Variants in USP22 observed in about 807,000 individuals in gnomAD.
The protein encoded by USP22 is ubiquitin specific peptidase 22, also known as ubiquitin carboxyl-terminal hydrolase 22.
USP22 carries 22 observed loss-of-function variants against 68.1 expected under a neutral mutation model. The ratio of observed to expected loss-of-function variants is 0.32; its 90% CI spans 0.23 to 0.46. The LOEUF (loss-of-function observed/expected upper bound fraction) is 0.46. Among genes scored for constraint, USP22 ranks in the 20% least tolerant of loss-of-function variants. The pLI, the probability that USP22 is intolerant of heterozygous loss-of-function variation, is 1.00. For synonymous variants in USP22, 279 were observed against 274.2 expected (o/e 1.02, Z -0.17); for missense variants, 433 against 695.8 (o/e 0.62, Z 4.25).
Position 21,006,875 on chromosome 17 carries a change from CG to C in USP22, c.1322+20del. 1 of 1,571,420 alleles carries C rather than the reference CG, an allele frequency of 6.4e-7. No homozygotes were observed. The highest frequency in any genetic ancestry group is 2.3e-5 in the East Asian group (1 of 43,296). On this transcript the variant is annotated intron_variant, in intron 10 of 12. Coordinates refer to ENST00000261497, the MANE Select transcript of USP22 (RefSeq NM_015276.2). ...GATCACAGCCCCTCAGGACACAGAA[CG>C]GGCCTACAACCCCACATACCTGGAG...
chr17:21,018,004 G>C lies in USP22; in HGVS notation c.628C>G (p.Arg210Gly), dbSNP rs1334587745. The change falls in exon 5 of 13, where the codon CGC (arginine) becomes GGC (glycine). Residue 210 changes from arginine to glycine, a missense_variant. Arg to Gly is a moderately radical substitution (Grantham distance 125). This residue lies in a region of USP22 where 144 missense variants were observed against 237.2 expected (regional missense o/e 0.61). Coordinates refer to ENST00000261497, the MANE Select transcript of USP22 (RefSeq NM_015276.2). ...LRDFFLSDRH[R>G]CEMQSPSSCL... ...GAGCTGGGGCTCTGCATCTCACAGCGGTGCCTGTCAGACAGGAAGAAGTCC... is the reference window on the plus strand; with the variant it reads ...GAGCTGGGGCTCTGCATCTCACAGCCGTGCCTGTCAGACAGGAAGAAGTCC... The C allele has an allele frequency of 1.2e-6, 2 of 1,614,088 alleles. No individual in the cohort carries two copies. Among genetic ancestry groups the C allele is most frequent in the Non-Finnish European group, 1.7e-6 (2 of 1,180,022 alleles).
At chr17:21,034,401 T>C (rs1257304418) in intron 1 of USP22, among the ~76,000 whole-genome samples, 2 of 152,180 alleles carry the variant, frequency 1.3e-5, no homozygotes, top group African/African-American at 4.8e-5. Flanking sequence ...AAATTACGTA[T>C]GAAATATAAA....
At chr17:21,007,661 C>T (rs8079097) in intron 9 of USP22, among the ~76,000 whole-genome samples, 14,308 of 152,172 alleles carry the variant, frequency 0.094, 1,878 homozygotes, top group African/African-American at 0.3. Flanking sequence ...ACTTTCACTG[C>T]GAAGCCACTG....
At chr17:21,012,788 C>T in intron 7 of USP22, 42 bp downstream of exon 7, 1 of 1,571,962 alleles carries the variant, frequency 6.4e-7, no homozygotes, top group East Asian at 2.2e-5. Context: ...CAGTACGGCC[C>T]CAGAGGGTTT....
At chr17:21,024,539 G>GA (rs1478468895) in intron 2 of USP22, among the ~76,000 whole-genome samples, 1 of 152,124 alleles carries the variant, frequency 6.6e-6, no homozygotes, top group Admixed American at 6.5e-5. Context: ...AAATTAACTC[G>GA]AATGGATCAG....
At chr17:21,041,201 G>C (rs1567595409) in intron 1 of USP22, among the ~76,000 whole-genome samples, 1 of 152,008 alleles carries the variant, frequency 6.6e-6, no homozygotes, top group African/African-American at 2.4e-5. Flanking sequence ...TTTTCTTAAA[G>C]ACACACAATT....
chr17:21,018,243 G>T (rs1364466863), intron 4 of USP22, 132 bp from the exon 5 acceptor site: 2 of 825,284 alleles, frequency 2.4e-6, no homozygotes, highest in Non-Finnish European at 3.6e-6. Context: ...AACACGATGA[G>T]ATATCGCATT....
intron 1 of USP22, among the ~76,000 whole-genome samples, chr17:21,029,806 T>C (rs553664911): frequency 1.6e-3 from 243 of 152,370 alleles, no homozygotes; most frequent in Non-Finnish European, 2.3e-3. Flanking sequence ...ACGTATTCTA[T>C]GAGTCTATTT....
chr17:21,004,685 C>G (rs1313989632), intron 11 of USP22, among the ~76,000 whole-genome samples: 1 of 152,228 alleles, frequency 6.6e-6, no homozygotes, highest in Non-Finnish European at 1.5e-5. Context: ...CAGATGGAAC[C>G]TCCCTCCTGC....
intron 8 of USP22, among the ~76,000 whole-genome samples, chr17:21,009,884 G>A (rs905105242): frequency 6.6e-6 from 1 of 152,042 alleles, no homozygotes; most frequent in Admixed American, 6.6e-5. Flanking sequence ...GAACCTGGGA[G>A]GTGGAGGTTG....
intron 8 of USP22, 85 bp from the exon 9 acceptor site, chr17:21,008,081 A>G: frequency 1.4e-6 from 2 of 1,464,298 alleles, no homozygotes; most frequent in Non-Finnish European, 1.8e-6. Context: ...TATCTCTTTC[A>G]TTGGGTTGAT....
chr17:21,009,148 C>A (rs1913870008), intron 8 of USP22, among the ~76,000 whole-genome samples: 1 of 149,344 alleles, frequency 6.7e-6, no homozygotes, highest in African/African-American at 2.5e-5. Flanking sequence ...AATTTCCTGA[C>A]CGTGCAGAGG....
chr17:21,003,222 G>A lies in USP22; in HGVS notation c.1536-149C>T. 3 of 891,986 alleles carry A rather than the reference G, an allele frequency of 3.4e-6. 1 individual carries two copies. The East Asian group carries it at 7.6e-5, about 23-fold the overall frequency. The allele number at this position is 891,986 out of a possible 1,614,324, so 55.3% of individuals were successfully genotyped here. A position where few individuals can be genotyped will look rare whatever the true frequency, so the allele number is the denominator to read the frequency against. The stretch of plus-strand genomic sequence containing the variant: ...TGGTTTTGGCTTTTTAGTCCGCAAG[G>A]AGGAAAGAGTGCTTCACTGGCTGGT... On this transcript the variant is annotated intron_variant, in intron 12 of 12. Coordinates refer to ENST00000261497, the MANE Select transcript of USP22 (RefSeq NM_015276.2).
At chr17:21,006,846 A>T in intron 10 of USP22, 50 bp downstream of exon 10, 1 of 1,461,092 alleles carries the variant, frequency 6.8e-7, no homozygotes, top group Non-Finnish European at 9.2e-7. Context: ...TCCTGTCCTG[A>T]TAGGATCACA....
chr17:21,020,244 C>CAAAAAAAAAAAAAAAAAAAAAAAAAA (rs3047597), intron 3 of USP22, among the ~76,000 whole-genome samples: 3 of 73,252 alleles, frequency 4.1e-5, no homozygotes, highest in South Asian at 5.4e-4. Context: ...AATCAAAAAC[C>CAAAAAAAAAAAAAAAAAAAAAAAAAA]AAAAAAAAAA....
chr17:21,001,764 C>T lies in USP22; in HGVS notation c.*1267G>A, dbSNP rs893713002. 1.3e-5 allele frequency: 2 copies of T among 152,218 alleles called. No homozygotes were observed. The highest frequency in any genetic ancestry group is 2.9e-5 in the Non-Finnish European group (2 of 68,040). 9.4% of individuals were successfully genotyped at this position (152,218 alleles called of 1,614,324 possible). On this transcript the variant is annotated 3_prime_UTR_variant, in exon 13 of 13. Coordinates refer to ENST00000261497, the MANE Select transcript of USP22 (RefSeq NM_015276.2). ...TCAGTACTTTTCCTCCCCCTTGTCCCTAGTTTCTAATTTCTCAGTGGACAA... is the reference window on the plus strand; with the variant it reads ...TCAGTACTTTTCCTCCCCCTTGTCCTTAGTTTCTAATTTCTCAGTGGACAA...
chr17:21,009,175 T>A (rs969088656), intron 8 of USP22, among the ~76,000 whole-genome samples: 17 of 151,002 alleles, frequency 1.1e-4, no homozygotes, highest in African/African-American at 3.9e-4. Flanking sequence ...GTAGGAGGGC[T>A]GCATCAGAAG....
At chr17:21,010,600 G>A (rs1464403808) in intron 8 of USP22, among the ~76,000 whole-genome samples, 1 of 150,716 alleles carries the variant, frequency 6.6e-6, no homozygotes, top group Non-Finnish European at 1.5e-5. Context: ...AAAGGCAGAG[G>A]CTGCAGTGAG....
chr17:21,036,285 G>A (rs1046136302), intron 1 of USP22, among the ~76,000 whole-genome samples: 4 of 152,102 alleles, frequency 2.6e-5, no homozygotes, highest in African/African-American at 4.8e-5. Context: ...GGATGCCTCT[G>A]TCAAAATCCA....
Sources: gnomAD v4.1 joint callset for allele counts (sites outside exome capture counted in the v4.1 genomes callset) on GRCh38, gnomAD v4.1.1 for gene constraint, gnomAD v4.1.1 regional missense constraint, MANE v1.5 for transcripts, NCBI Gene and HGNC (gene_info 2026-07-23, HGNC 2026-07-21) for gene names.